Variants in CSMD1 observed in about 807,000 individuals in gnomAD.
CSMD1 encodes CUB and sushi domain-containing protein 1.
CSMD1 carries 213 observed loss-of-function variants against 417.5 expected under a neutral mutation model. The ratio of observed to expected loss-of-function variants is 0.51; its 90% CI spans 0.46 to 0.57. The LOEUF (loss-of-function observed/expected upper bound fraction) is 0.57. Ranked by LOEUF, CSMD1 falls within the 20% of genes least tolerant of loss-of-function variation. The probability of loss-of-function intolerance (pLI) is 0.00; values close to 1 mark genes in which losing one functional copy is unlikely to be tolerated. For synonymous variants in CSMD1, 2,862 were observed against 1,736.8 expected, an observed-to-expected ratio of 1.65 and a Z score of -16.11; for missense variants, 6,923 against 4,529.7, an observed-to-expected ratio of 1.53 and a Z score of -15.17.
At chr8:3,696,887 T>A (rs1011520075) in intron 7 of CSMD1, among the ~76,000 whole-genome samples, 3 of 152,296 alleles carry the variant, frequency 2.0e-5, no homozygotes. Flanking sequence ...TGAACTCCCA[T>A]GAAAATAGAT....
chr8:4,263,042 C>A (rs751525847), intron 3 of CSMD1, among the ~76,000 whole-genome samples: 1 of 152,110 alleles, frequency 6.6e-6, no homozygotes, highest in Non-Finnish European at 1.5e-5. Flanking sequence ...AATGTTAGAA[C>A]AGAATTGTAT....
intron 2 of CSMD1, among the ~76,000 whole-genome samples, chr8:4,488,938 G>C (rs141524737): frequency 1.9e-4 from 29 of 152,260 alleles, no homozygotes; most frequent in African/African-American, 6.7e-4. Context: ...TTGAGACTGA[G>C]TCTTGCTCTT....
At chr8:4,064,182 G>C (rs1337384687) in intron 3 of CSMD1, among the ~76,000 whole-genome samples, 3 of 152,188 alleles carry the variant, frequency 2.0e-5, no homozygotes, top group African/African-American at 7.2e-5. Flanking sequence ...GCAAACTAAA[G>C]ACATTAGGAG....
intron 2 of CSMD1, among the ~76,000 whole-genome samples, chr8:4,554,529 A>G (rs1526335): frequency 0.78 from 118,901 of 152,046 alleles, 46,869 homozygotes; most frequent in Admixed American, 0.85. Flanking sequence ...TATAGAAATT[A>G]CTGGAGTGAT....
chr8:4,292,651 A>T (rs1797438443), intron 3 of CSMD1, among the ~76,000 whole-genome samples: 1 of 152,152 alleles, frequency 6.6e-6, no homozygotes, highest in African/African-American at 2.4e-5. Flanking sequence ...TTGCATCATC[A>T]ACATGTTTCT....
chr8:4,353,230 T>C (rs1264901503), intron 3 of CSMD1, among the ~76,000 whole-genome samples: 3 of 152,096 alleles, frequency 2.0e-5, no homozygotes, highest in Non-Finnish European at 4.4e-5. Context: ...ATGACGACGG[T>C]TTCCCCCAGA....
intron 2 of CSMD1, among the ~76,000 whole-genome samples, chr8:4,542,957 C>T (rs1270214377): frequency 6.6e-6 from 1 of 152,086 alleles, no homozygotes; most frequent in Non-Finnish European, 1.5e-5. Context: ...ATAATCATGG[C>T]ATATTTGCAA....
chr8:3,144,803 G>GGGA (rs1397894208), intron 40 of CSMD1, among the ~76,000 whole-genome samples: 2,287 of 131,478 alleles, frequency 0.017, 132 homozygotes, highest in African/African-American at 0.065. Context: ...AAGGGGGGGG[G>GGGA]GGAGGGAGGG....
intron 4 of CSMD1, among the ~76,000 whole-genome samples, chr8:4,013,070 G>T (rs1297167060): frequency 6.6e-6 from 1 of 152,000 alleles, no homozygotes; most frequent in African/African-American, 2.4e-5. Context: ...TTTCTCATAA[G>T]TAGCCAGAGT....
At chr8:3,347,076 C>G (rs1191235785) in intron 22 of CSMD1, among the ~76,000 whole-genome samples, 2 of 152,168 alleles carry the variant, frequency 1.3e-5, no homozygotes, top group African/African-American at 4.8e-5. Flanking sequence ...AACTGATAAG[C>G]TTAAAAAAAT....
At chr8:4,589,283 A>G (rs941328045) in intron 2 of CSMD1, among the ~76,000 whole-genome samples, 2 of 152,218 alleles carry the variant, frequency 1.3e-5, no homozygotes, top group Non-Finnish European at 2.9e-5. Context: ...TTGCCTCTGC[A>G]TATATTATGC....
intron 3 of CSMD1, among the ~76,000 whole-genome samples, chr8:4,187,105 G>C (rs1204748268): frequency 6.6e-6 from 1 of 152,038 alleles, no homozygotes; most frequent in Non-Finnish European, 1.5e-5. Context: ...TTAAAATTCT[G>C]AAGAATTTCA....
At chr8:3,202,992 C>G (rs1358043745) in intron 31 of CSMD1, among the ~76,000 whole-genome samples, 1 of 152,080 alleles carries the variant, frequency 6.6e-6, no homozygotes, top group Non-Finnish European at 1.5e-5. Context: ...ACCATCCTCA[C>G]CCACCCACCA....
chr8:4,543,919 T>A (rs1797522204), intron 2 of CSMD1, among the ~76,000 whole-genome samples: 1 of 152,164 alleles, frequency 6.6e-6, no homozygotes, highest in Admixed American at 6.5e-5. Context: ...TAATTTGACA[T>A]CTGTTTATCA....
At chr8:4,230,204 G>A (rs971194137) in intron 3 of CSMD1, among the ~76,000 whole-genome samples, 6 of 152,070 alleles carry the variant, frequency 3.9e-5, no homozygotes, top group Non-Finnish European at 1.5e-5. Flanking sequence ...AAGATCTAGA[G>A]TTTCCCTCTA....
chr8:4,922,347 C>G (rs1444915909), intron 1 of CSMD1, among the ~76,000 whole-genome samples: 1 of 152,132 alleles, frequency 6.6e-6, no homozygotes, highest in Non-Finnish European at 1.5e-5. Context: ...CAAACTAGCA[C>G]TTCTAATTAT....
intron 23 of CSMD1, among the ~76,000 whole-genome samples, chr8:3,337,179 C>G (rs1027041882): frequency 6.6e-6 from 1 of 152,116 alleles, no homozygotes; most frequent in East Asian, 1.9e-4. Context: ...ACCAACGCAA[C>G]GACTCGCCCT....
intron 37 of CSMD1, among the ~76,000 whole-genome samples, chr8:3,168,272 GAA>G (rs2129042699): frequency 6.6e-6 from 1 of 152,194 alleles, no homozygotes; most frequent in Non-Finnish European, 1.5e-5. Flanking sequence ...CTCTAATTTT[GAA>G]AAGACAACAA....
At chr8:4,086,177 T>G (rs1800409153) in intron 3 of CSMD1, among the ~76,000 whole-genome samples, 1 of 152,208 alleles carries the variant, frequency 6.6e-6, no homozygotes, top group African/African-American at 2.4e-5. Flanking sequence ...ATAAGTAATT[T>G]ACTCAATAAT....
Sources: gnomAD v4.1 joint callset for allele counts (sites outside exome capture counted in the v4.1 genomes callset) on GRCh38, gnomAD v4.1.1 for gene constraint, MANE v1.5 for transcripts, NCBI Gene and HGNC (gene_info 2026-07-23, HGNC 2026-07-21) for gene names.